Variants in POLQ observed in about 807,000 individuals in gnomAD.
POLQ encodes the protein DNA polymerase theta.
A neutral mutation model predicts 259.2 loss-of-function variants in POLQ; 233 were observed. That is an observed-to-expected ratio of 0.90 (90% CI 0.81 to 1.00). The LOEUF (loss-of-function observed/expected upper bound fraction) is 1.00. POLQ is among the 50% of genes least tolerant of loss of function. The pLI is 0.00. For missense variants in POLQ, 2,871 were observed against 3,051.6 expected (o/e 0.94, Z 1.39); for synonymous variants, 1,025 against 1,048.8 (o/e 0.98, Z 0.44).
chr3:121,436,878 G>A (rs75207756), intron 27 of POLQ, among the ~76,000 whole-genome samples: 1,974 of 151,902 alleles, frequency 0.013, 14 homozygotes, highest in Non-Finnish European at 0.021. Flanking sequence ...GCTGCCAAGT[G>A]CTTCTTGGCA....
chr3:121,440,177 T>G (rs2047579262), intron 26 of POLQ, 61 bp from the exon 27 acceptor site: 1 of 1,370,440 alleles, frequency 7.3e-7, no homozygotes, highest in Non-Finnish European at 1.0e-6. Context: ...CTTCATTCAC[T>G]GGCTTAAATA....
chr3:121,516,719 G>A (rs1187560580), intron 9 of POLQ, among the ~76,000 whole-genome samples: 2 of 152,170 alleles, frequency 1.3e-5, no homozygotes, highest in African/African-American at 4.8e-5. Flanking sequence ...AAAACACCAT[G>A]TGCTGTCCAG....
At chr3:121,476,518 A>C in intron 20 of POLQ, 22 bp downstream of exon 20, 2 of 1,562,830 alleles carry the variant, frequency 1.3e-6, no homozygotes, top group South Asian at 2.3e-5. Flanking sequence ...ATGTATCTAT[A>C]TCCCTAGCCC....
At chr3:121,506,685 C>A (rs1410474583) in intron 12 of POLQ, among the ~76,000 whole-genome samples, 1 of 152,134 alleles carries the variant, frequency 6.6e-6, no homozygotes, top group South Asian at 2.1e-4. Flanking sequence ...AAACCAAAAT[C>A]ACTTATGGTT....
At chr3:121,538,348 A>G (rs1244356390) in intron 4 of POLQ, among the ~76,000 whole-genome samples, 1 of 152,152 alleles carries the variant, frequency 6.6e-6, no homozygotes, top group African/African-American at 2.4e-5. Context: ...CTGAAAATTC[A>G]GTATCAACTA....
At chr3:121,526,893 G>GCA (rs2048377518) in intron 7 of POLQ, among the ~76,000 whole-genome samples, 3 of 152,010 alleles carry the variant, frequency 2.0e-5, no homozygotes, top group Non-Finnish European at 2.9e-5. Context: ...GTGTGTGTGC[G>GCA]CGCGCGCACG....
intron 26 of POLQ, among the ~76,000 whole-genome samples, chr3:121,446,384 A>G (rs532877833): frequency 1.3e-5 from 2 of 152,198 alleles, no homozygotes; most frequent in Non-Finnish European, 2.9e-5. Flanking sequence ...CCATGTGCTG[A>G]GGAGAAGAAT....
In POLQ at chr3:121,468,375, T is replaced by C; in HGVS notation, c.6775A>G (p.Lys2259Glu). 2 of 1,612,036 alleles carry C rather than the reference T, an allele frequency of 1.2e-6. No individual in the cohort carries two copies. The highest frequency in any genetic ancestry group is 1.7e-6 in the Non-Finnish European group (2 of 1,178,154). ...IQNVPRDFEI[K>E]MPTLVGESPP... ...CTTTCTCCTACTAGTGTTGGCATTTTGATTTCAAAATCTCTTGGCACATTC... is the reference window on the plus strand; with the variant it reads ...CTTTCTCCTACTAGTGTTGGCATTTCGATTTCAAAATCTCTTGGCACATTC... The change falls in exon 23 of 30, where the codon AAA (lysine) becomes GAA (glutamate). Residue 2259 changes from lysine to glutamate, a missense_variant. Lys to Glu is a moderately conservative substitution (Grantham distance 56, BLOSUM62 1). Transcript: ENST00000264233.
At chr3:121,450,953 C>A (rs1412108139) in intron 25 of POLQ, among the ~76,000 whole-genome samples, 1 of 152,088 alleles carries the variant, frequency 6.6e-6, no homozygotes, top group Non-Finnish European at 1.5e-5. Context: ...GGTCTTTTCA[C>A]ATAGTCCCCT....
At chr3:121,473,841 C>G (rs1036357178) in intron 20 of POLQ, among the ~76,000 whole-genome samples, 1 of 151,412 alleles carries the variant, frequency 6.6e-6, no homozygotes, top group Non-Finnish European at 1.5e-5. Flanking sequence ...ATCCTCCCAC[C>G]TCAGCCTCCC....
chr3:121,534,069 G>T (rs2048431727), intron 5 of POLQ, among the ~76,000 whole-genome samples: 1 of 151,440 alleles, frequency 6.6e-6, no homozygotes, highest in African/African-American at 2.4e-5. Context: ...GTAGAGACGG[G>T]TTTTCACCAT....
chr3:121,481,820 G>C lies in POLQ; in HGVS notation c.5971-8C>G. ...TAGTAACCAGCATGCCACCTGAATG[G>C]GATAGCAATGAGAATATTTTCCTGA... On this transcript the variant is annotated splice_region_variant and splice_polypyrimidine_tract_variant and intron_variant, in intron 18 of 29. Transcript: ENST00000264233. 6.3e-7 allele frequency: 1 copy of C among 1,586,460 alleles called. No homozygotes were observed. The highest frequency in any genetic ancestry group is 8.6e-7 in the Non-Finnish European group (1 of 1,164,592).
chr3:121,485,190 T>A lies in POLQ; in HGVS notation c.5630-6A>T. 1 of 1,558,508 alleles carries A rather than the reference T, an allele frequency of 6.4e-7. No homozygotes were observed. The highest frequency in any genetic ancestry group is 8.7e-7 in the Non-Finnish European group (1 of 1,148,602). Reference sequence around the variant, plus strand: ...AATTTCCTGAGGTGAGCTAGCTAAGTAAAACAAAAGTGAAACAGTTAAAAA... The same window carrying A: ...AATTTCCTGAGGTGAGCTAGCTAAGAAAAACAAAAGTGAAACAGTTAAAAA... On this transcript the variant is annotated splice_polypyrimidine_tract_variant and splice_region_variant and intron_variant, in intron 16 of 29. Transcript: ENST00000264233.
At chr3:121,469,752 T>C (rs1240630644) in intron 22 of POLQ, among the ~76,000 whole-genome samples, 1 of 152,220 alleles carries the variant, frequency 6.6e-6, no homozygotes, top group African/African-American at 2.4e-5. Flanking sequence ...TTACAAAGAA[T>C]GAATATATAG....
At chr3:121,511,323 A>T (rs1342178958) in intron 10 of POLQ, among the ~76,000 whole-genome samples, 1 of 151,906 alleles carries the variant, frequency 6.6e-6, no homozygotes, top group East Asian at 1.9e-4. Context: ...CCTTGAACCC[A>T]GGAGCCAGAG....
intron 18 of POLQ, 32 bp from the exon 19 acceptor site, chr3:121,481,844 G>C (rs1391337133): frequency 6.4e-7 from 1 of 1,555,226 alleles, no homozygotes. Context: ...ATATTTTCCT[G>C]ATTTTTTTCA....
intron 12 of POLQ, among the ~76,000 whole-genome samples, chr3:121,507,716 G>A (rs145383309): frequency 7.2e-5 from 11 of 152,118 alleles, no homozygotes; most frequent in African/African-American, 2.7e-4. Context: ...AACAGAGTGA[G>A]ACTCTACTCA....
chr3:121,489,414 T>G lies in POLQ; in HGVS notation c.3517A>C (p.Ile1173Leu). 6.2e-7 allele frequency: 1 copy of G among 1,614,078 alleles called. No homozygotes were observed. ...TTCTGGTTTTTTGAACCATTTTGTATCAGCACTTCATTTATTTTTTCTGCC... is the reference window on the plus strand; with the variant it reads ...TTCTGGTTTTTTGAACCATTTTGTAGCAGCACTTCATTTATTTTTTCTGCC... ...VEAEKINEVL[I>L]QNGSKNQNVY... The change falls in exon 16 of 30, where the codon ATA (isoleucine) becomes CTA (leucine). Residue 1173 changes from isoleucine (I) to leucine (L), a missense_variant. Ile to Leu is a conservative substitution (Grantham distance 5). Coordinates refer to ENST00000264233, the MANE Select transcript of POLQ (RefSeq NM_199420.4).
chr3:121,490,298 A>T lies in POLQ; in HGVS notation c.2633T>A (p.Leu878His), dbSNP rs771017454. The part of the protein sequence containing the change: ...KGLTEREAAA[L>H]IVEEARMILQ... ...AATCATTCTGGCTTCTTCCACTATA[A>T]GGGCTGCTGCTTCCCTTTCAGTTAA... The change falls in exon 16 of 30, where the codon CTT becomes CAT. Residue 878 changes from leucine to histidine, a missense_variant. Leu to His is a moderately conservative substitution (Grantham distance 99). Around this residue, in one of 3 missense-constraint regions of POLQ, gnomAD observed 2,080 missense variants for 2,126.0 expected, o/e 0.98. Coordinates refer to ENST00000264233, the MANE Select transcript of POLQ (RefSeq NM_199420.4). 2 of 1,614,072 alleles carry T rather than the reference A, an allele frequency of 1.2e-6. No homozygotes were observed. The highest frequency in any genetic ancestry group is 2.7e-5 in the African/African-American group (2 of 74,936).
Sources: allele counts gnomAD v4.1 joint callset (sites outside exome capture counted in the v4.1 genomes callset), GRCh38; gene constraint gnomAD v4.1.1; regional missense constraint gnomAD v4.1.1; transcripts MANE v1.5; gene names NCBI Gene and HGNC (gene_info 2026-07-23, HGNC 2026-07-21).